COG7: variants seen among roughly 807,000 people sequenced by gnomAD.
COG7 encodes conserved oligomeric Golgi complex subunit 7.
A neutral mutation model predicts 91.5 loss-of-function variants in COG7; 49 were observed. The ratio of observed to expected loss-of-function variants is 0.54; its 90% CI spans 0.43 to 0.68. The LOEUF (loss-of-function observed/expected upper bound fraction) is 0.68. Among genes scored for constraint, COG7 ranks in the 30% least tolerant of loss-of-function variants. COG7 has a pLI of 0.00. For synonymous variants in COG7, 365 were observed against 388.7 expected, an observed-to-expected ratio of 0.94 and a Z score of 0.72; for missense variants, 895 against 961.3, an observed-to-expected ratio of 0.93 and a Z score of 0.91.
At chr16:23,403,654 AG>A (rs1963413413) in intron 13 of COG7, 39 bp downstream of exon 13, 2 of 1,612,248 alleles carry the variant, frequency 1.2e-6, no homozygotes, top group African/African-American at 1.3e-5. Flanking sequence ...AGTTGGAGGC[AG>A]GACCCGGGAA....
chr16:23,443,874 G>A (rs902188905), intron 3 of COG7, among the ~76,000 whole-genome samples: 8 of 151,910 alleles, frequency 5.3e-5, no homozygotes, highest in Non-Finnish European at 1.0e-4. Context: ...GCCCCCGGCC[G>A]GGCATGGTGA....
At chr16:23,443,333 G>C (rs1440461105) in intron 3 of COG7, among the ~76,000 whole-genome samples, 1 of 151,882 alleles carries the variant, frequency 6.6e-6, no homozygotes, top group Non-Finnish European at 1.5e-5. Flanking sequence ...ATTGCATGAG[G>C]CCAGGAGTTC....
chr16:23,435,791 C>T (rs1194703260), intron 4 of COG7, among the ~76,000 whole-genome samples: 1 of 152,266 alleles, frequency 6.6e-6, no homozygotes, highest in African/African-American at 2.4e-5. Context: ...ACAGCAACCG[C>T]TGTGGGACAC....
Position 23,410,295 on chromosome 16 carries a change from C to T in COG7, c.1475G>A (p.Arg492Lys). The T allele has an allele frequency of 6.2e-7, 1 of 1,613,758 alleles. No homozygotes were observed. Among genetic ancestry groups the T allele is most frequent in the Non-Finnish European group, 8.5e-7 (1 of 1,179,752 alleles). ...GAGGACAATGACTCCTCTCTCCTAC[C>T]TGTTGGCTAGCTGCTGCTCGAAGTC... Reference protein sequence around the residue: ...CGDFEQQLANRILSTAGKYLS... With the variant: ...CGDFEQQLANKILSTAGKYLS... Residue 492 changes from arginine (R) to lysine (K), a missense_variant and splice_region_variant, in exon 11 of 17, where the codon AGG becomes AAG. Transcript: ENST00000307149.
intron 3 of COG7, 45 bp downstream of exon 3, chr16:23,445,003 C>G (rs1964158760): frequency 7.0e-7 from 1 of 1,422,618 alleles, no homozygotes; most frequent in East Asian, 2.3e-5. Context: ...ACCTCAAGTT[C>G]TTGCTTAAAT....
chr16:23,435,877 T>G (rs1964006325), intron 4 of COG7, among the ~76,000 whole-genome samples: 1 of 152,266 alleles, frequency 6.6e-6, no homozygotes, highest in Admixed American at 6.5e-5. Flanking sequence ...AACGAATATT[T>G]GCCTTTAAAA....
At chr16:23,445,645 C>A (rs951244739) in intron 2 of COG7, among the ~76,000 whole-genome samples, 168 bp downstream of exon 2, 4 of 151,678 alleles carry the variant, frequency 2.6e-5, no homozygotes, top group Non-Finnish European at 5.9e-5. Context: ...AGCTACAGAG[C>A]GACACTCTGT....
chr16:23,449,226 G>A (rs906250362), intron 1 of COG7, among the ~76,000 whole-genome samples: 2 of 151,880 alleles, frequency 1.3e-5, no homozygotes, highest in African/African-American at 4.8e-5. Flanking sequence ...AGCCAGGCGT[G>A]GTGGCGGGCG....
chr16:23,407,428 T>G (rs1963479992), intron 11 of COG7, among the ~76,000 whole-genome samples: 1 of 152,238 alleles, frequency 6.6e-6, no homozygotes, highest in Admixed American at 6.5e-5. Context: ...CTACTTAATC[T>G]GTCCTCCTAA....
chr16:23,442,656 C>A lies in COG7; in HGVS notation c.436-11G>T. 2 of 1,608,722 alleles carry A rather than the reference C, an allele frequency of 1.2e-6. No homozygotes were observed. Among genetic ancestry groups the A allele is most frequent in the Non-Finnish European group, 1.7e-6 (2 of 1,175,096 alleles). On this transcript the variant is annotated splice_polypyrimidine_tract_variant and intron_variant, in intron 3 of 16. Transcript: ENST00000307149. ...AATCACAGCTATGTCCTAGAAAAGA[C>A]CAGAATAGAGAATATTTATTTTAAA...
At chr16:23,417,588 G>A (rs1037475572) in intron 8 of COG7, among the ~76,000 whole-genome samples, 7 of 151,810 alleles carry the variant, frequency 4.6e-5, no homozygotes, top group East Asian at 1.9e-4. Context: ...TCAACATGGC[G>A]AAACCCCATC....
chr16:23,442,664 G>C lies in COG7; in HGVS notation c.436-19C>G. On this transcript the variant is annotated intron_variant, in intron 3 of 16. Coordinates refer to ENST00000307149, the MANE Select transcript of COG7 (RefSeq NM_153603.4). ...CTATGTCCTAGAAAAGACCAGAATA[G>C]AGAATATTTATTTTAAATGATCCCT... 1 of 1,604,430 alleles carries C rather than the reference G, an allele frequency of 6.2e-7. No individual in the cohort carries two copies. Among genetic ancestry groups the C allele is most frequent in the Non-Finnish European group, 8.5e-7 (1 of 1,171,222 alleles).
At chr16:23,424,297 CAAAAAAAAA>C in intron 7 of COG7, among the ~76,000 whole-genome samples, 1 of 48,670 alleles carries the variant, frequency 2.1e-5, no homozygotes, top group East Asian at 5.9e-4. Flanking sequence ...AACTCCATCT[CAAAAAAAAA>C]AAAAAAAAAA....
rs139188327 is a variant in COG7, at chr16:23,409,064, C to CGTGT, written c.1475+1227_1475+1230dup. 8.8e-3 allele frequency among the ~76,000 whole-genome samples: 1,246 copies of CGTGT among 141,464 alleles called. 20 individuals are homozygous for CGTGT. The highest frequency in any genetic ancestry group is 0.025 in the African/African-American group (963 of 38,060). The allele number at this position is 141,464 out of a possible 152,430, so 92.8% of individuals were successfully genotyped here. ...GCTGGAAGGCTGCACAGTGTGCATG[C>CGTGT]GTGTGTGTGTGTGTGTGTGTGTGTG... is the stretch of plus-strand genomic sequence containing the variant. On this transcript the variant is annotated intron_variant, in intron 11 of 16. Transcript: ENST00000307149.
intron 6 of COG7, among the ~76,000 whole-genome samples, chr16:23,429,719 G>A (rs148582344): frequency 4.6e-5 from 7 of 152,102 alleles, no homozygotes; most frequent in African/African-American, 9.6e-5. Flanking sequence ...AGCCAAGATC[G>A]TGCCACTGTA....
At chr16:23,444,774 G>C (rs757694814) in intron 3 of COG7, among the ~76,000 whole-genome samples, 4 of 151,976 alleles carry the variant, frequency 2.6e-5, no homozygotes, top group African/African-American at 9.7e-5. Context: ...CCAAAGAGCT[G>C]GGATTTCAGG....
chr16:23,409,699 C>T (rs760738015), intron 11 of COG7, among the ~76,000 whole-genome samples: 12 of 152,138 alleles, frequency 7.9e-5, no homozygotes, highest in Non-Finnish European at 1.5e-4. Context: ...GCCAGAGCCC[C>T]TTGAAGGGAA....
At position 23,424,892 on chromosome 16, in the gene COG7, G is replaced by C. The variant is rs751701411; in HGVS notation, c.866C>G (p.Ala289Gly). The part of the protein sequence containing the change: ...VMVLLIQTLG[A>G]LMPSLPSCLS... ...GCAGGAGGGCAGCGAGGGCATGAGG[G>C]CCCCCAGGGTCTGAATCAGCAGCAC... Residue 289 changes from alanine to glycine, a missense_variant, in exon 7 of 17, where the codon GCC becomes GGC. Physicochemically the swap from Ala to Gly is moderately conservative, Grantham distance 60. Coordinates refer to ENST00000307149, the MANE Select transcript of COG7 (RefSeq NM_153603.4). 7 of 1,614,078 alleles carry C rather than the reference G, an allele frequency of 4.3e-6. No individual in the cohort carries two copies. The South Asian group carries it at 6.6e-5, about 15-fold the overall frequency.
rs79748753 is a variant in COG7, at chr16:23,434,300, G to A, written c.687+336C>T. 9.2e-3 allele frequency among the ~76,000 whole-genome samples: 1,407 copies of A among 152,178 alleles called. 22 individuals are homozygous for A. Among genetic ancestry groups the A allele is most frequent in the African/African-American group, 0.033 (1,350 of 41,526 alleles). ...AACCCTATCTCTAAAGAAAAAAAGA[G>A]AAATTCTTACTGCCTTCTGAGGGTG... is the stretch of plus-strand genomic sequence containing the variant. On this transcript the variant is annotated intron_variant, in intron 5 of 16. Transcript: ENST00000307149.
Sources: allele counts gnomAD v4.1 joint callset (sites outside exome capture counted in the v4.1 genomes callset), GRCh38; gene constraint gnomAD v4.1.1; transcripts MANE v1.5; gene names NCBI Gene and HGNC (gene_info 2026-07-23, HGNC 2026-07-21).